Variants in CNBD1 observed in about 807,000 individuals in gnomAD.
CNBD1 encodes the protein cyclic nucleotide-binding domain-containing protein 1.
A neutral mutation model predicts 54.4 loss-of-function variants in CNBD1; 71 were observed. That is an observed-to-expected ratio of 1.30 (90% CI 1.08 to 1.59). The LOEUF is 1.59. Among genes scored for constraint, CNBD1 ranks in the 40% most tolerant of loss-of-function variants. The pLI is 0.00. For missense variants in CNBD1, 659 were observed against 518.0 expected, an observed-to-expected ratio of 1.27 and a Z score of -2.64; for synonymous variants, 182 against 170.7, an observed-to-expected ratio of 1.07 and a Z score of -0.51.
chr8:86,880,788 G>T (rs901857634), intron 1 of CNBD1, among the ~76,000 whole-genome samples: 1 of 152,044 alleles, frequency 6.6e-6, no homozygotes, highest in African/African-American at 2.4e-5. Context: ...CAAAATATCG[G>T]CAAACCCAAT....
chr8:87,164,058 T>G (rs1008308994), intron 4 of CNBD1, among the ~76,000 whole-genome samples: 1 of 152,002 alleles, frequency 6.6e-6, no homozygotes, highest in African/African-American at 2.4e-5. Flanking sequence ...ATTGATCATA[T>G]TATTTTTATC....
At chr8:86,868,790 A>G (rs991782366) in intron 1 of CNBD1, among the ~76,000 whole-genome samples, 1 of 152,224 alleles carries the variant, frequency 6.6e-6, no homozygotes, top group Non-Finnish European at 1.5e-5. Flanking sequence ...TTAATTCACA[A>G]AACTTATGAA....
intron 2 of CNBD1, among the ~76,000 whole-genome samples, chr8:87,414,529 TAAAA>T (rs1294491721): frequency 2.6e-5 from 4 of 151,598 alleles, no homozygotes; most frequent in Non-Finnish European, 5.9e-5. Flanking sequence ...TAATAATAAA[TAAAA>T]AAAGAAATTA....
chr8:87,309,052 T>G (rs1429118232), intron 8 of CNBD1, among the ~76,000 whole-genome samples: 1 of 152,172 alleles, frequency 6.6e-6, no homozygotes, highest in South Asian at 2.1e-4. Context: ...CCTTAAGCAC[T>G]AGGGTGTAGG....
At chr8:87,414,667 C>G (rs1377977374) in intron 2 of CNBD1, among the ~76,000 whole-genome samples, 3 of 151,950 alleles carry the variant, frequency 2.0e-5, no homozygotes, top group Admixed American at 1.3e-4. Flanking sequence ...ATTACCACAA[C>G]TGTTAATTAA....
chr8:87,055,085 G>T (rs1341102179), intron 4 of CNBD1, among the ~76,000 whole-genome samples: 1 of 152,146 alleles, frequency 6.6e-6, no homozygotes, highest in South Asian at 2.1e-4. Flanking sequence ...ACAGTATAGG[G>T]TCACTGATTA....
At chr8:87,176,067 C>T (rs1045682829) in intron 4 of CNBD1, among the ~76,000 whole-genome samples, 6 of 152,194 alleles carry the variant, frequency 3.9e-5, no homozygotes, top group African/African-American at 1.2e-4. Context: ...AGTGATGCCA[C>T]GTGACCGCTG....
chr8:87,240,269 A>G (rs1807668157), intron 6 of CNBD1, among the ~76,000 whole-genome samples: 1 of 152,176 alleles, frequency 6.6e-6, no homozygotes, highest in African/African-American at 2.4e-5. Flanking sequence ...ATAATTATTA[A>G]AAGAACTTTC....
At chr8:86,971,983 C>T (rs1206256751) in intron 4 of CNBD1, among the ~76,000 whole-genome samples, 2 of 151,278 alleles carry the variant, frequency 1.3e-5, no homozygotes, top group Admixed American at 1.3e-4. Context: ...GACAGGGTCT[C>T]ATTCTGTTGC....
chr8:87,351,586 A>T, intron 8 of CNBD1, 99 bp from the exon 9 acceptor site: 1 of 1,103,292 alleles, frequency 9.1e-7, no homozygotes, highest in Non-Finnish European at 1.2e-6. Context: ...TACTATTAAT[A>T]GTTATTGAAT....
intron 4 of CNBD1, among the ~76,000 whole-genome samples, chr8:87,125,885 A>T (rs1811980662): frequency 6.6e-6 from 1 of 151,876 alleles, no homozygotes; most frequent in African/African-American, 2.4e-5. Context: ...CTATTGCTAT[A>T]TAGATCAGTT....
chr8:86,936,642 C>T (rs1041470256), intron 3 of CNBD1, among the ~76,000 whole-genome samples: 4 of 150,800 alleles, frequency 2.7e-5, no homozygotes, highest in African/African-American at 9.8e-5. Context: ...ACTCAGGAGG[C>T]TGAGGCAGGA....
intron 6 of CNBD1, among the ~76,000 whole-genome samples, chr8:87,247,301 T>C (rs1260961776): frequency 6.6e-6 from 1 of 152,168 alleles, no homozygotes; most frequent in African/African-American, 2.4e-5. Context: ...AAGGGCTCTT[T>C]TCTGGTTTGG....
chr8:87,244,946 A>G (rs1807774413), intron 6 of CNBD1, among the ~76,000 whole-genome samples: 1 of 152,148 alleles, frequency 6.6e-6, no homozygotes, highest in Non-Finnish European at 1.5e-5. Context: ...CTGATGTTTA[A>G]AATATATGTG....
At chr8:87,393,573 G>T (rs749873896) in intron 2 of CNBD1, among the ~76,000 whole-genome samples, 5 of 151,832 alleles carry the variant, frequency 3.3e-5, no homozygotes, top group African/African-American at 7.2e-5. Context: ...TTATGGTTTG[G>T]ACACAATAAT....
intron 8 of CNBD1, among the ~76,000 whole-genome samples, chr8:87,294,671 A>G (rs1808846524): frequency 6.6e-6 from 1 of 152,206 alleles, no homozygotes; most frequent in African/African-American, 2.4e-5. Context: ...TTTCATTGAT[A>G]GTCTTCATTG....
intron 8 of CNBD1, among the ~76,000 whole-genome samples, chr8:87,314,313 T>A (rs10097553): frequency 0.08 from 10,874 of 136,064 alleles, 1,240 homozygotes; most frequent in African/African-American, 0.25. Flanking sequence ...TCTCATTTTT[T>A]AAAAAAAAAG....
chr8:87,265,192 G>C (rs1563529898), intron 6 of CNBD1, among the ~76,000 whole-genome samples: 1 of 152,082 alleles, frequency 6.6e-6, no homozygotes, highest in Non-Finnish European at 1.5e-5. Context: ...GTGTAAGGAA[G>C]GGATCCAGTT....
rs187713188 is a variant in CNBD1 at position 87,166,593 on chromosome 8, C to G, written c.432-39400C>G. 2.0e-5 allele frequency among the ~76,000 whole-genome samples: 3 copies of G among 151,942 alleles called. No homozygotes were observed. The highest frequency in any genetic ancestry group is 6.6e-5 in the Admixed American group (1 of 15,202). On this transcript the variant is annotated intron_variant, in intron 4 of 10. Coordinates refer to ENST00000518476, the MANE Select transcript of CNBD1 (RefSeq NM_173538.3). This position sits in a 1 kb window ranked among gnomAD's most constrained non-coding sequence, Gnocchi z 4.3. ...TGGCCCAGCTCAGTTTCTCAATGTT[C>G]ATTATTTCCAAAGTCCAGCCCTTCT...
Sources: gnomAD v4.1 joint callset for allele counts (sites outside exome capture counted in the v4.1 genomes callset) on GRCh38, gnomAD v4.1.1 for gene constraint, Gnocchi (gnomAD v3.1) non-coding constraint, MANE v1.5 for transcripts, NCBI Gene and HGNC (gene_info 2026-07-23, HGNC 2026-07-21) for gene names.